Variants in KCNJ13 observed in about 807,000 individuals in gnomAD.
The protein encoded by KCNJ13 is inward rectifier potassium channel 13.
A neutral mutation model predicts 24.6 loss-of-function variants in KCNJ13; 9 were observed. The ratio of observed to expected loss-of-function variants is 0.37; its 90% CI spans 0.22 to 0.64. The LOEUF is 0.64. Ranked by LOEUF, KCNJ13 falls within the 30% of genes least tolerant of loss-of-function variation. The pLI, the probability that KCNJ13 is intolerant of heterozygous loss-of-function variation, is 0.64. For missense variants in KCNJ13, 337 were observed against 443.8 expected, an observed-to-expected ratio of 0.76 and a Z score of 2.16; for synonymous variants, 148 against 154.7, an observed-to-expected ratio of 0.96 and a Z score of 0.32.
intron 2 of KCNJ13, 46 bp downstream of exon 2, chr2:232,770,857 G>T (rs1553611526): frequency 7.2e-7 from 1 of 1,390,594 alleles, no homozygotes; most frequent in Non-Finnish European, 1.0e-6. Context: ...GTTTTGTTTT[G>T]TTTTGTTTTT....
intron 1 of KCNJ13, among the ~76,000 whole-genome samples, chr2:232,776,100 G>T (rs1272478656): frequency 6.6e-6 from 1 of 151,788 alleles, no homozygotes; most frequent in Non-Finnish European, 1.5e-5. Context: ...TGCTCATTTT[G>T]GGTTTTTGAA....
chr2:232,773,125 T>C (rs1004613052), intron 1 of KCNJ13, among the ~76,000 whole-genome samples: 17 of 152,212 alleles, frequency 1.1e-4, no homozygotes, highest in African/African-American at 3.6e-4. Flanking sequence ...ATTATTTTAA[T>C]GTTTTATAAC....
Position 232,770,964 on chromosome 2 carries a change from A to G in KCNJ13, c.399T>C (p.Ser133=), listed in dbSNP as rs1054582760. ...GTMFPSGDCP[S]AIALLAIQML... is the part of the protein sequence containing the mutation. The stretch of plus-strand genomic sequence containing the variant: ...TTTGTATGGCAAGTAAGGCGATTGC[A>G]CTTGGACAGTCACCACTGGGGAACA... Residue 133 remains serine (S), a synonymous_variant, in exon 2 of 3, where the codon AGT becomes AGC. Transcript: ENST00000233826. 1.2e-6 allele frequency: 2 copies of G among 1,614,100 alleles called. No individual in the cohort carries two copies. The highest frequency in any genetic ancestry group is 1.7e-5 in the Admixed American group (1 of 60,014).
chr2:232,772,231 A>ATTTAGGCTTTATTTGTTTTATTAT (rs796495972), intron 1 of KCNJ13, among the ~76,000 whole-genome samples: 9 of 152,106 alleles, frequency 5.9e-5, no homozygotes, highest in African/African-American at 2.2e-4. Context: ...GAGTTTTATG[A>ATTTAGGCTTTATTTGTTTTATTAT]TTAGGCTTTA....
intron 1 of KCNJ13, among the ~76,000 whole-genome samples, chr2:232,775,813 T>C (rs972895409): frequency 1.3e-5 from 2 of 152,202 alleles, no homozygotes; most frequent in African/African-American, 4.8e-5. Flanking sequence ...ATGGCATTAC[T>C]ATGTATTTGT....
chr2:232,773,910 T>TAA (rs61323973), intron 1 of KCNJ13, among the ~76,000 whole-genome samples: 113 of 112,766 alleles, frequency 1.0e-3, no homozygotes, highest in East Asian at 1.8e-3. Context: ...TGTCTCTATT[T>TAA]AAAAAAAAAA....
chr2:232,770,848 T>A, intron 2 of KCNJ13, 55 bp downstream of exon 2: 1 of 1,255,368 alleles, frequency 8.0e-7, no homozygotes, highest in South Asian at 1.2e-5. Flanking sequence ...ACACCTGTAG[T>A]TTTGTTTTGT....
intron 1 of KCNJ13, among the ~76,000 whole-genome samples, chr2:232,773,157 A>T (rs1489359937): frequency 6.6e-6 from 1 of 152,202 alleles, no homozygotes; most frequent in Non-Finnish European, 1.5e-5. Flanking sequence ...ACAAGTTGTC[A>T]TAATCATTTA....
rs1698964706 is a variant in KCNJ13 at position 232,766,402 on chromosome 2, T to C, written c.*1789A>G. On this transcript the variant is annotated 3_prime_UTR_variant, in exon 3 of 3. Coordinates refer to ENST00000233826, the MANE Select transcript of KCNJ13 (RefSeq NM_002242.4). ...CTTATGTCACCTTGGGCAGCTTCAC[T>C]TAACAAGCGAGAGGGTGAACTGTGT... The C allele has an allele frequency of 6.1e-6, 1 of 164,818 alleles. No homozygotes were observed. The highest frequency in any genetic ancestry group is 2.4e-5 in the African/African-American group (1 of 41,582). 10.2% of individuals were successfully genotyped at this position (164,818 alleles called of 1,614,324 possible).
chr2:232,776,476 A>G lies in KCNJ13; in HGVS notation c.-48T>C, dbSNP rs1029837066. On this transcript the variant is annotated 5_prime_UTR_variant, in exon 1 of 3. Coordinates refer to ENST00000233826, the MANE Select transcript of KCNJ13 (RefSeq NM_002242.4). ...TTTTGCTGGGTCAGCCTTTATGCCA[A>G]GGTAGGTCTTAAGGAAATTTACAGA... 1.3e-6 allele frequency: 2 copies of G among 1,568,860 alleles called. No homozygotes were observed. Among genetic ancestry groups the G allele is most frequent in the African/African-American group, 2.7e-5 (2 of 73,846 alleles).
At chr2:232,768,970 T>C (rs1480700597) in intron 2 of KCNJ13, among the ~76,000 whole-genome samples, 157 bp from the exon 3 acceptor site, 1 of 152,220 alleles carries the variant, frequency 6.6e-6, no homozygotes, top group Non-Finnish European at 1.5e-5. Flanking sequence ...GTCAGTCTTA[T>C]TTGCCTGAAG....
At chr2:232,776,377 T>C (rs1381535368) in intron 1 of KCNJ13, 68 bp downstream of exon 1, 1 of 1,210,012 alleles carries the variant, frequency 8.3e-7, no homozygotes, top group Non-Finnish European at 1.2e-6. Flanking sequence ...TCTGTTGCTA[T>C]TTGCCAGTCA....
At chr2:232,776,088 T>A (rs1699501079) in intron 1 of KCNJ13, among the ~76,000 whole-genome samples, 1 of 152,174 alleles carries the variant, frequency 6.6e-6, no homozygotes, top group African/African-American at 2.4e-5. Context: ...TTTGTTTTTT[T>A]ATGCTCATTT....
intron 1 of KCNJ13, among the ~76,000 whole-genome samples, chr2:232,772,090 A>G (rs1047996184): frequency 2.6e-5 from 4 of 152,086 alleles, no homozygotes; most frequent in African/African-American, 9.7e-5. Flanking sequence ...TAGAATTTTA[A>G]TTTTTGTTGG....
In KCNJ13 at chr2:232,771,060, C is replaced by T; in HGVS notation, c.303G>A (p.Lys101=). ...APPENHTICV[K]YITSFTAAFS... ...ATGCAGCTGTGAAACTGGTGATATA[C>T]TTGACACAGATAGTGTGGTTTTCAG... The change falls in exon 2 of 3, where the codon AAG becomes AAA. Residue 101 remains lysine, a synonymous_variant. Coordinates refer to ENST00000233826, the MANE Select transcript of KCNJ13 (RefSeq NM_002242.4). 6.2e-7 allele frequency: 1 copy of T among 1,614,076 alleles called. No homozygotes were observed. The highest frequency in any genetic ancestry group is 8.5e-7 in the Non-Finnish European group (1 of 1,179,990).
Position 232,770,905 on chromosome 2 carries a change from G to C in KCNJ13, c.458C>G (p.Thr153Arg). Residue 153 changes from threonine (T) to arginine (R), a missense_variant and splice_region_variant, in exon 2 of 3, where the codon ACA becomes AGA. Thr to Arg is a moderately conservative substitution (Grantham distance 71). Transcript: ENST00000233826. ...TTTAAGAACAAAGACAAAATTACCT[G>C]TGATAAAAGCCTCTAGCATGAGGCC... ...LLGLMLEAFI[T>R]GAFVAKIARP... 1 of 1,609,124 alleles carries C rather than the reference G, an allele frequency of 6.2e-7. No individual in the cohort carries two copies. Among genetic ancestry groups the C allele is most frequent in the Non-Finnish European group, 8.5e-7 (1 of 1,175,744 alleles).
At position 232,767,400 on chromosome 2, in the gene KCNJ13, G is replaced by T. The variant is rs1295241722; in HGVS notation, c.*791C>A. Reference sequence around the variant, plus strand: ...CATAGGAGGGGAATGTTTTTACTTAGGTTGCTAGAAGTCATTTAGATGAAT... The same window carrying T: ...CATAGGAGGGGAATGTTTTTACTTATGTTGCTAGAAGTCATTTAGATGAAT... On this transcript the variant is annotated 3_prime_UTR_variant, in exon 3 of 3. Transcript: ENST00000233826. 1 of 152,338 alleles carries T rather than the reference G, an allele frequency of 6.6e-6. No individual in the cohort carries two copies. The highest frequency in any genetic ancestry group is 2.4e-5 in the African/African-American group (1 of 41,402). 9.4% of individuals were successfully genotyped at this position (152,338 alleles called of 1,614,324 possible).
At position 232,766,279 on chromosome 2, in the gene KCNJ13, A is replaced by G. The variant is rs917911615; in HGVS notation, c.*1912T>C. ...TTTTGGCATGTGTAGGGGAAGTCAT[A>G]TTTAGTTTTCAAATGCCAAATTTAT... On this transcript the variant is annotated 3_prime_UTR_variant, in exon 3 of 3. Coordinates refer to ENST00000233826, the MANE Select transcript of KCNJ13 (RefSeq NM_002242.4). 1.3e-5 allele frequency among the ~76,000 whole-genome samples: 2 copies of G among 152,128 alleles called. No individual in the cohort carries two copies. Among genetic ancestry groups the G allele is most frequent in the Admixed American group, 6.5e-5 (1 of 15,278 alleles).
chr2:232,769,518 A>T, intron 2 of KCNJ13, among the ~76,000 whole-genome samples: 1 of 151,830 alleles, frequency 6.6e-6, no homozygotes. Flanking sequence ...AAAAAAAAAA[A>T]AAAAAAAAAG....
Sources: gnomAD v4.1 joint callset for allele counts (sites outside exome capture counted in the v4.1 genomes callset) on GRCh38, gnomAD v4.1.1 for gene constraint, MANE v1.5 for transcripts, NCBI Gene and HGNC (gene_info 2026-07-23, HGNC 2026-07-21) for gene names.